Variants in ARHGEF26 observed in about 807,000 individuals in gnomAD.
The protein encoded by ARHGEF26 is Rho guanine nucleotide exchange factor (GEF) 26.
ARHGEF26 carries 59 observed loss-of-function variants against 89.4 expected under a neutral mutation model. That is an observed-to-expected ratio of 0.66 (90% CI 0.54 to 0.82). The LOEUF (loss-of-function observed/expected upper bound fraction) is 0.82, where lower values mean the gene tolerates loss of function less well. Ranked by LOEUF, ARHGEF26 falls within the 40% of genes least tolerant of loss-of-function variation. The probability of loss-of-function intolerance (pLI) is 0.00; values close to 1 mark genes in which losing one functional copy is unlikely to be tolerated. For missense variants in ARHGEF26, 1,234 were observed against 1,085.6 expected (o/e 1.14, Z -1.92); for synonymous variants, 500 against 428.4 (o/e 1.17, Z -2.06).
At chr3:154,203,659 A>G (rs1335240051) in intron 9 of ARHGEF26, among the ~76,000 whole-genome samples, 1 of 152,068 alleles carries the variant, frequency 6.6e-6, no homozygotes, top group African/African-American at 2.4e-5. Flanking sequence ...TGCTCCTTCT[A>G]TACCCAGTTT....
intron 10 of ARHGEF26, among the ~76,000 whole-genome samples, chr3:154,219,534 G>T (rs1715983465): frequency 6.6e-6 from 1 of 151,148 alleles, no homozygotes; most frequent in Non-Finnish European, 1.5e-5. Context: ...GGCAGAGGTT[G>T]CATTGAGTTG....
chr3:154,230,944 T>C (rs1373134708), intron 11 of ARHGEF26, among the ~76,000 whole-genome samples: 1 of 152,188 alleles, frequency 6.6e-6, no homozygotes, highest in African/African-American at 2.4e-5. Context: ...CTTGAAAGGT[T>C]CATGGCCTGG....
At chr3:154,129,095 A>G (rs1478164117) in intron 3 of ARHGEF26, among the ~76,000 whole-genome samples, 2 of 152,040 alleles carry the variant, frequency 1.3e-5, no homozygotes, top group South Asian at 4.2e-4. Flanking sequence ...TTTTAATTAA[A>G]CTGTTAGCTC....
At position 154,225,881 on chromosome 3, in the gene ARHGEF26, G is replaced by A. The variant is rs750905487; in HGVS notation, c.1961G>A (p.Arg654Gln). 14 of 1,607,484 alleles carry A rather than the reference G, an allele frequency of 8.7e-6. No homozygotes were observed. The highest frequency in any genetic ancestry group is 1.2e-5 in the Non-Finnish European group (14 of 1,177,062). Residue 654 changes from arginine to glutamine, a missense_variant, in exon 11 of 15, where the codon CGG (arginine) becomes CAG (glutamine). By Grantham distance (43) the Arg-to-Gln change is conservative. Transcript: ENST00000465093. ...CCTTTTCCTTTAGTCTCCTCTTCCC[G>A]GTGGTTGGTAAAAAGAGGTGAATTG... ...IKPFPLVSSS[R>Q]WLVKRGELTA... is the part of the protein sequence containing the mutation.
rs191451942 is a variant in ARHGEF26 at position 154,212,678 on chromosome 3, T to A, written c.1846-5191T>A. On this transcript the variant is annotated intron_variant, in intron 9 of 14. Coordinates refer to ENST00000465093, the MANE Select transcript of ARHGEF26 (RefSeq NM_015595.4). ...CAGATCATCAGGCATTAGATTCTCA[T>A]AAGGAGCACACAGCCTAGATCCTTC... Among the ~76,000 whole-genome samples the A allele has an allele frequency of 4.9e-4, 74 of 152,192 alleles. 1 individual carries two copies. Among genetic ancestry groups the A allele is most frequent in the Admixed American group, 2.7e-3 (42 of 15,292 alleles).
intron 7 of ARHGEF26, 42 bp from the exon 8 acceptor site, chr3:154,191,247 A>T (rs1323229484): frequency 4.5e-6 from 7 of 1,563,086 alleles, no homozygotes; most frequent in Non-Finnish European, 6.1e-6. Flanking sequence ...TAATTTGAGG[A>T]GGAAATATTT....
chr3:154,255,723 T>C lies in ARHGEF26; in HGVS notation c.*250T>C. 7.8e-7 allele frequency: 1 copy of C among 1,289,684 alleles called. No individual in the cohort carries two copies. The highest frequency in any genetic ancestry group is 9.8e-7 in the Non-Finnish European group (1 of 1,021,980). The allele number at this position is 1,289,684 out of a possible 1,614,324, so 79.9% of individuals were successfully genotyped here. A position where few individuals can be genotyped will look rare whatever the true frequency, so the allele number is the denominator to read the frequency against. ...TGAGGTACACAGAATAGCTGAGCAGTTCACTTCAGGGATCAGGTCATCTCT... is the reference window on the plus strand; with the variant it reads ...TGAGGTACACAGAATAGCTGAGCAGCTCACTTCAGGGATCAGGTCATCTCT... On this transcript the variant is annotated 3_prime_UTR_variant, in exon 15 of 15. Coordinates refer to ENST00000465093, the MANE Select transcript of ARHGEF26 (RefSeq NM_015595.4).
At chr3:154,151,495 G>A (rs148037002) in intron 5 of ARHGEF26, among the ~76,000 whole-genome samples, 2 of 152,208 alleles carry the variant, frequency 1.3e-5, no homozygotes, top group African/African-American at 4.8e-5. Context: ...GTCCAGAAGG[G>A]AAATTTTTCT....
At chr3:154,185,608 G>A (rs141169341) in intron 6 of ARHGEF26, among the ~76,000 whole-genome samples, 1 of 152,222 alleles carries the variant, frequency 6.6e-6, no homozygotes, top group Non-Finnish European at 1.5e-5. Flanking sequence ...AGCACCTCAA[G>A]GTGTTCATCG....
At chr3:154,222,270 C>G (rs1716179682) in intron 10 of ARHGEF26, among the ~76,000 whole-genome samples, 1 of 152,054 alleles carries the variant, frequency 6.6e-6, no homozygotes, top group Non-Finnish European at 1.5e-5. Flanking sequence ...TCATTTCACA[C>G]GTTTTTTATT....
At chr3:154,176,464 A>C (rs1433847342) in intron 6 of ARHGEF26, among the ~76,000 whole-genome samples, 3 of 152,354 alleles carry the variant, frequency 2.0e-5, no homozygotes, top group Non-Finnish European at 2.9e-5. Context: ...CTTACAAATC[A>C]GCTGCTCTGG....
intron 6 of ARHGEF26, among the ~76,000 whole-genome samples, chr3:154,153,503 G>A (rs1040424063): frequency 6.6e-6 from 1 of 151,770 alleles, no homozygotes; most frequent in African/African-American, 2.4e-5. Flanking sequence ...ACTTATAAAT[G>A]CTCCAGTATT....
chr3:154,145,321 T>G (rs1719632832), intron 4 of ARHGEF26, among the ~76,000 whole-genome samples: 1 of 152,224 alleles, frequency 6.6e-6, no homozygotes, highest in Non-Finnish European at 1.5e-5. Flanking sequence ...CTGAGAGTGA[T>G]TGTGTCCTGT....
chr3:154,217,896 C>G lies in ARHGEF26; in HGVS notation c.1873C>G (p.Arg625Gly), dbSNP rs766974682. ...GGTTCGACTATGCAATGAGGGCGCC[C>G]GGAAGATGGAAAGGACTGAGATGAT... ...KLVRLCNEGARKMERTEMMYT... is the reference protein window; with the variant it reads ...KLVRLCNEGAGKMERTEMMYT... The change falls in exon 10 of 15, where the codon CGG becomes GGG. Residue 625 changes from arginine to glycine, a missense_variant. Arg to Gly is a moderately radical substitution (Grantham distance 125). Coordinates refer to ENST00000465093, the MANE Select transcript of ARHGEF26 (RefSeq NM_015595.4). 3 of 1,602,490 alleles carry G rather than the reference C, an allele frequency of 1.9e-6. No homozygotes were observed. Among genetic ancestry groups the G allele is most frequent in the South Asian group, 1.1e-5 (1 of 88,376 alleles).
intron 6 of ARHGEF26, among the ~76,000 whole-genome samples, chr3:154,162,484 T>TTCC (rs1711730466): frequency 6.6e-6 from 1 of 152,182 alleles, no homozygotes; most frequent in African/African-American, 2.4e-5. Context: ...AATAGCATGC[T>TTCC]GTGAAGTATG....
intron 7 of ARHGEF26, 83 bp downstream of exon 7, chr3:154,187,920 G>A: frequency 7.6e-7 from 1 of 1,314,712 alleles, no homozygotes; most frequent in Non-Finnish European, 1.0e-6. Flanking sequence ...TTGATCTTTT[G>A]AATTATATTT....
intron 9 of ARHGEF26, among the ~76,000 whole-genome samples, chr3:154,215,425 C>T (rs1310203127): frequency 6.6e-6 from 1 of 151,620 alleles, no homozygotes; most frequent in Non-Finnish European, 1.5e-5. Flanking sequence ...TTTGTCTGCC[C>T]TTCCGTGAGG....
At chr3:154,226,967 A>G (rs1289112389) in intron 11 of ARHGEF26, among the ~76,000 whole-genome samples, 1 of 152,152 alleles carries the variant, frequency 6.6e-6, no homozygotes, top group Non-Finnish European at 1.5e-5. Context: ...AAATGTCCAA[A>G]TGTATCAGGC....
chr3:154,211,399 T>G (rs1715351546), intron 9 of ARHGEF26, among the ~76,000 whole-genome samples: 1 of 151,924 alleles, frequency 6.6e-6, no homozygotes, highest in Admixed American at 6.6e-5. Context: ...AGTTTGGTCT[T>G]TTTTTTTCCT....
Sources: allele counts gnomAD v4.1 joint callset (sites outside exome capture counted in the v4.1 genomes callset), GRCh38; gene constraint gnomAD v4.1.1; transcripts MANE v1.5; gene names NCBI Gene and HGNC (gene_info 2026-07-23, HGNC 2026-07-21).